NFIB: variants seen among roughly 807,000 people sequenced by gnomAD.
The protein encoded by NFIB is nuclear factor I B.
In NFIB, 11 loss-of-function variants were observed where a neutral mutation model predicts 61.5. The observed-to-expected ratio is 0.18, with a 90% CI of 0.11 to 0.30. The LOEUF (loss-of-function observed/expected upper bound fraction) is 0.30. Ranked by LOEUF, NFIB falls within the 10% of genes least tolerant of loss-of-function variation. The pLI is 1.00. For missense variants in NFIB, 471 were observed against 608.9 expected (o/e 0.77, Z 2.38); for synonymous variants, 260 against 216.5 (o/e 1.20, Z -1.76).
At chr9:14,518,260 G>T in the NFIB span, among the ~76,000 whole-genome samples, 1 of 152,112 alleles carries the variant, frequency 6.6e-6, no homozygotes, top group African/African-American at 2.4e-5. Flanking sequence ...CTGTGTTTTG[G>T]GGCAAAGTAG....
At position 14,086,729 on chromosome 9, in the gene NFIB, T is replaced by C. The variant is rs1051654265; in HGVS notation, c.*1580A>G. 1 of 208,958 alleles carries C rather than the reference T, an allele frequency of 4.8e-6. No individual in the cohort carries two copies. Among genetic ancestry groups the C allele is most frequent in the African/African-American group, 2.3e-5 (1 of 43,916 alleles). The allele number at this position is 208,958 out of a possible 1,614,324, so 12.9% of individuals were successfully genotyped here. Reference sequence around the variant, plus strand: ...TAAAAATGGTAAAGATTTAAAATGATAATAAATGCAGCAAAACAAGTGTAG... The same window carrying C: ...TAAAAATGGTAAAGATTTAAAATGACAATAAATGCAGCAAAACAAGTGTAG... On this transcript the variant is annotated 3_prime_UTR_variant, in exon 11 of 11. Coordinates refer to ENST00000380953, the MANE Select transcript of NFIB (RefSeq NM_001190737.2).
chr9:14,289,005 C>T (rs1421594933), intron 2 of NFIB, among the ~76,000 whole-genome samples: 4 of 150,932 alleles, frequency 2.7e-5, no homozygotes, highest in African/African-American at 7.3e-5. Context: ...TAAACACATA[C>T]CAAAATAAAA....
chr9:14,389,996 A>G (rs2061601305), intron 1 of NFIB, among the ~76,000 whole-genome samples: 1 of 152,222 alleles, frequency 6.6e-6, no homozygotes, highest in Non-Finnish European at 1.5e-5. Flanking sequence ...CTCTGAAGAT[A>G]CTTATTTTAG....
intron 2 of NFIB, among the ~76,000 whole-genome samples, chr9:14,192,931 C>T (rs116404184): frequency 1.1e-4 from 17 of 151,918 alleles, no homozygotes; most frequent in African/African-American, 3.1e-4. Context: ...CTCTAAAATA[C>T]GTGTCAGGTA....
intron 6 of NFIB, among the ~76,000 whole-genome samples, chr9:14,128,340 A>C (rs2039955170): frequency 6.6e-6 from 1 of 152,246 alleles, no homozygotes; most frequent in Non-Finnish European, 1.5e-5. Flanking sequence ...GTAAAATGTA[A>C]CTGGGTAAAT....
At chr9:14,522,469 TA>T in the NFIB span, among the ~76,000 whole-genome samples, 25 of 152,080 alleles carry the variant, frequency 1.6e-4, no homozygotes, top group South Asian at 1.0e-3. Flanking sequence ...TATGTATGGA[TA>T]AAAAAAAGCA....
intron 2 of NFIB, among the ~76,000 whole-genome samples, chr9:14,303,864 A>G (rs1376857394): frequency 2.0e-5 from 3 of 152,228 alleles, no homozygotes; most frequent in East Asian, 3.8e-4. Context: ...AAATGACTTT[A>G]TGGATTTAAA....
rs1476012021 is a variant in NFIB at position 14,088,345 on chromosome 9, C to T, written c.1468-19G>A. Reference sequence around the variant, plus strand: ...ACCAGGACTGTTGAGAGGAGAGAGGCAGCAGGGAGGGAAGAAAAAAGAAAA... The same window carrying T: ...ACCAGGACTGTTGAGAGGAGAGAGGTAGCAGGGAGGGAAGAAAAAAGAAAA... On this transcript the variant is annotated intron_variant, in intron 10 of 10. Transcript: ENST00000380953. 4.0e-6 allele frequency: 6 copies of T among 1,491,004 alleles called. No individual in the cohort carries two copies. The South Asian group carries it at 4.3e-5, about 11-fold the overall frequency. 92.4% of individuals were successfully genotyped at this position (1,491,004 alleles called of 1,614,324 possible). A position where few individuals can be genotyped will look rare whatever the true frequency, so the allele number is the denominator to read the frequency against.
chr9:14,348,716 C>G (rs938414006), intron 1 of NFIB, among the ~76,000 whole-genome samples: 2 of 152,230 alleles, frequency 1.3e-5, no homozygotes, highest in Admixed American at 1.3e-4. Context: ...GAGCCGGGAG[C>G]AGCGGACAGT....
chr9:14,351,543 C>T lies in NFIB; in HGVS notation c.109-44023G>A, dbSNP rs548319500. On this transcript the variant is annotated intron_variant, in intron 1 of 8. Transcript: ENST00000380934. Reference sequence around the variant, plus strand: ...CCTCAAACCTTCTTTTCTCACCTCCCATCCTACGCTGATGGCCCTATACTG... The same window carrying T: ...CCTCAAACCTTCTTTTCTCACCTCCTATCCTACGCTGATGGCCCTATACTG... Among the ~76,000 whole-genome samples the T allele has an allele frequency of 7.9e-5, 12 of 152,296 alleles. No homozygotes were observed. The East Asian group carries it at 2.3e-3, about 29-fold the overall frequency.
chr9:14,265,956 G>A (rs1289187596), intron 2 of NFIB, among the ~76,000 whole-genome samples: 1 of 152,196 alleles, frequency 6.6e-6, no homozygotes, highest in Non-Finnish European at 1.5e-5. Flanking sequence ...AAATGTCTCA[G>A]ATGGGCCCTG....
intron 3 of NFIB, among the ~76,000 whole-genome samples, chr9:14,176,973 T>C (rs940257704): frequency 1.3e-5 from 2 of 152,280 alleles, no homozygotes; most frequent in South Asian, 2.1e-4. Context: ...AACACAGGAA[T>C]AGACGGTAGC....
At chr9:14,166,236 A>T (rs1373405700) in intron 3 of NFIB, among the ~76,000 whole-genome samples, 2 of 151,920 alleles carry the variant, frequency 1.3e-5, no homozygotes, top group Non-Finnish European at 2.9e-5. Flanking sequence ...TCCTGTTCTT[A>T]ATTTTTTTAT....
At chr9:14,174,405 T>G (rs773984700) in intron 3 of NFIB, among the ~76,000 whole-genome samples, 1 of 152,166 alleles carries the variant, frequency 6.6e-6, no homozygotes, top group Non-Finnish European at 1.5e-5. Flanking sequence ...TTTTTCCTCA[T>G]TAAAAACATC....
At chr9:14,508,805 G>A in the NFIB span, among the ~76,000 whole-genome samples, 1 of 152,214 alleles carries the variant, frequency 6.6e-6, no homozygotes, top group Non-Finnish European at 1.5e-5. Flanking sequence ...TGGATCCCCT[G>A]TTAGCAAAGG....
intron 3 of NFIB, among the ~76,000 whole-genome samples, chr9:14,166,520 G>A (rs2044811829): frequency 6.6e-6 from 1 of 152,128 alleles, no homozygotes; most frequent in Non-Finnish European, 1.5e-5. Flanking sequence ...TCCACGAAAT[G>A]TAAAAATTTC....
intron 10 of NFIB, among the ~76,000 whole-genome samples, chr9:14,109,668 G>A (rs1488955572): frequency 1.3e-5 from 2 of 152,064 alleles, no homozygotes; most frequent in African/African-American, 4.8e-5. Flanking sequence ...AAGTATTCAA[G>A]ATTGTGTTAA....
chr9:14,256,050 A>G (rs1706561563), intron 2 of NFIB, among the ~76,000 whole-genome samples: 1 of 152,216 alleles, frequency 6.6e-6, no homozygotes, highest in African/African-American at 2.4e-5. Context: ...GAAGCTACCA[A>G]TGGTGCCTGC....
intron 2 of NFIB, among the ~76,000 whole-genome samples, chr9:14,220,874 C>CACACACACACAT (rs2051574005): frequency 6.6e-6 from 1 of 151,570 alleles, no homozygotes; most frequent in African/African-American, 2.4e-5. Context: ...CACACACACA[C>CACACACACACAT]ACACACACAC....
Sources: allele counts gnomAD v4.1 joint callset (sites outside exome capture counted in the v4.1 genomes callset), GRCh38; gene constraint gnomAD v4.1.1; transcripts MANE v1.5; gene names NCBI Gene and HGNC (gene_info 2026-07-23, HGNC 2026-07-21).